TBC1D22A: variants seen among roughly 807,000 people sequenced by gnomAD.
TBC1D22A encodes the protein putative GTPase activator.
In TBC1D22A, 38 loss-of-function variants were observed where a neutral mutation model predicts 60.2. The ratio of observed to expected loss-of-function variants is 0.63; its 90% CI spans 0.49 to 0.83. The LOEUF (loss-of-function observed/expected upper bound fraction) is 0.83, where lower values mean the gene tolerates loss of function less well. Among genes scored for constraint, TBC1D22A ranks in the 40% least tolerant of loss-of-function variants. The probability of loss-of-function intolerance (pLI) is 0.00; values close to 1 mark genes in which losing one functional copy is unlikely to be tolerated. For synonymous variants in TBC1D22A, 302 were observed against 281.7 expected (o/e 1.07, Z -0.72); for missense variants, 628 against 701.0 (o/e 0.90, Z 1.18).
intron 4 of TBC1D22A, among the ~76,000 whole-genome samples, chr22:46,812,321 C>G (rs898574439): frequency 2.6e-5 from 4 of 152,204 alleles, no homozygotes; most frequent in Non-Finnish European, 2.9e-5. Context: ...GCGCTGGCTT[C>G]TCTGCACCCC....
At chr22:46,824,441 G>A (rs938908108) in intron 4 of TBC1D22A, among the ~76,000 whole-genome samples, 2 of 152,288 alleles carry the variant, frequency 1.3e-5, no homozygotes, top group East Asian at 1.9e-4. Flanking sequence ...CAAGAAGGCC[G>A]CTGTGGCTGC....
chr22:47,030,357 TG>T (rs2062427714), intron 10 of TBC1D22A, among the ~76,000 whole-genome samples: 1 of 152,220 alleles, frequency 6.6e-6, no homozygotes, highest in South Asian at 2.1e-4. Flanking sequence ...GCCAAGTCAA[TG>T]GGATACGTGT....
At chr22:47,050,258 GC>G (rs1422737460) in intron 11 of TBC1D22A, among the ~76,000 whole-genome samples, 2 of 151,756 alleles carry the variant, frequency 1.3e-5, no homozygotes, top group African/African-American at 4.8e-5. Flanking sequence ...GCCCGCCTCG[GC>G]CCCCCAGGGT....
At chr22:46,955,022 A>G (rs2073112788) in intron 8 of TBC1D22A, among the ~76,000 whole-genome samples, 1 of 152,220 alleles carries the variant, frequency 6.6e-6, no homozygotes, top group Admixed American at 6.5e-5. Context: ...TAGTTGAATA[A>G]TAAGACGCGG....
chr22:47,136,387 TC>T (rs1367642039), intron 12 of TBC1D22A, among the ~76,000 whole-genome samples: 6 of 152,200 alleles, frequency 3.9e-5, no homozygotes, highest in African/African-American at 1.4e-4. Flanking sequence ...GGGTGGTCTC[TC>T]CTACAGCACC....
At chr22:46,764,080 G>C (rs1036048493) in intron 1 of TBC1D22A, 2 of 152,106 alleles carry the variant, frequency 1.3e-5, no homozygotes, top group Non-Finnish European at 2.9e-5. Context: ...GGCAATAAGA[G>C]CGAAACTCTG....
intron 8 of TBC1D22A, among the ~76,000 whole-genome samples, chr22:46,941,415 C>A (rs116393575): frequency 3.7e-5 from 3 of 81,620 alleles, no homozygotes; most frequent in African/African-American, 1.7e-4. Flanking sequence ...AATATATATA[C>A]GGAATATACA....
At chr22:47,154,111 C>T (rs563398807) in intron 12 of TBC1D22A, among the ~76,000 whole-genome samples, 1 of 152,234 alleles carries the variant, frequency 6.6e-6, no homozygotes, top group East Asian at 1.9e-4. Context: ...AGGGGAGCTC[C>T]GGGACCTCCT....
chr22:46,851,266 T>C (rs1038165954), intron 4 of TBC1D22A, among the ~76,000 whole-genome samples: 4 of 152,236 alleles, frequency 2.6e-5, no homozygotes, highest in Non-Finnish European at 4.4e-5. Flanking sequence ...GGAATAGTAG[T>C]AGACCACGAG....
intron 4 of TBC1D22A, among the ~76,000 whole-genome samples, chr22:46,799,177 C>T (rs2084791725): frequency 6.6e-6 from 1 of 152,116 alleles, no homozygotes; most frequent in Admixed American, 6.5e-5. Flanking sequence ...CAGCGATGGC[C>T]CATGCATCTG....
chr22:46,867,568 T>C (rs1485270727), intron 4 of TBC1D22A, among the ~76,000 whole-genome samples: 2 of 152,230 alleles, frequency 1.3e-5, no homozygotes, highest in Non-Finnish European at 2.9e-5. Context: ...AAAGAAGTCT[T>C]CCACATCGAT....
intron 11 of TBC1D22A, among the ~76,000 whole-genome samples, chr22:47,065,907 A>G (rs780599982): frequency 1.3e-5 from 2 of 152,152 alleles, no homozygotes; most frequent in Non-Finnish European, 2.9e-5. Context: ...CCCTGGGAAT[A>G]CACTGAGTGA....
At chr22:46,942,029 T>TA (rs1224314751) in intron 8 of TBC1D22A, among the ~76,000 whole-genome samples, 1 of 141,964 alleles carries the variant, frequency 7.0e-6, no homozygotes, top group African/African-American at 2.6e-5. Context: ...ATATATATTA[T>TA]ATATATATAT....
intron 12 of TBC1D22A, among the ~76,000 whole-genome samples, chr22:47,140,816 T>A (rs2067055827): frequency 6.6e-6 from 1 of 152,148 alleles, no homozygotes; most frequent in African/African-American, 2.4e-5. Flanking sequence ...GGGCGGCTTA[T>A]CACAAAGTGC....
At chr22:46,861,294 G>A (rs951867219) in intron 4 of TBC1D22A, among the ~76,000 whole-genome samples, 2 of 152,118 alleles carry the variant, frequency 1.3e-5, no homozygotes, top group African/African-American at 2.4e-5. Flanking sequence ...GTTAATTGTA[G>A]GACAGTTTCT....
intron 9 of TBC1D22A, among the ~76,000 whole-genome samples, chr22:46,979,442 G>C (rs1169412666): frequency 6.6e-6 from 1 of 152,154 alleles, no homozygotes; most frequent in Admixed American, 6.5e-5. Flanking sequence ...TCATGTAAAC[G>C]TGATGTTTCT....
intron 11 of TBC1D22A, among the ~76,000 whole-genome samples, chr22:47,096,565 T>C (rs2065179709): frequency 6.6e-6 from 1 of 152,234 alleles, no homozygotes; most frequent in South Asian, 2.1e-4. Flanking sequence ...CTCATGCCTG[T>C]AATCCCAGCA....
intron 11 of TBC1D22A, among the ~76,000 whole-genome samples, chr22:47,082,427 C>T (rs902508234): frequency 2.0e-4 from 30 of 151,962 alleles, no homozygotes; most frequent in African/African-American, 6.8e-4. Flanking sequence ...ATAATAGAAT[C>T]GAGTAGAGAT....
chr22:46,965,920 A>G (rs1006560835), intron 8 of TBC1D22A, among the ~76,000 whole-genome samples: 5 of 152,092 alleles, frequency 3.3e-5, no homozygotes, highest in East Asian at 3.9e-4. Flanking sequence ...CCTCGTTTCC[A>G]CAGCGCTGGC....
Sources: allele counts gnomAD v4.1 joint callset (sites outside exome capture counted in the v4.1 genomes callset), GRCh38; gene constraint gnomAD v4.1.1; transcripts MANE v1.5; gene names NCBI Gene and HGNC (gene_info 2026-07-23, HGNC 2026-07-21).